The following ATG4A variants were observed in gnomAD, a reference collection of about 807,000 sequenced individuals.
The protein encoded by ATG4A is cysteine protease ATG4A.
ATG4A carries 22 observed loss-of-function variants against 38.4 expected under a neutral mutation model. The ratio of observed to expected loss-of-function variants is 0.57; its 90% CI spans 0.41 to 0.82. The LOEUF (loss-of-function observed/expected upper bound fraction) is 0.82, where lower values mean the gene tolerates loss of function less well. ATG4A is among the 40% of genes least tolerant of loss of function. The probability of loss-of-function intolerance (pLI) is 0.00; values close to 1 mark genes in which losing one functional copy is unlikely to be tolerated. For synonymous variants in ATG4A, 86 were observed against 100.7 expected (o/e 0.85, Z 0.88); for missense variants, 220 against 290.0 (o/e 0.76, Z 1.75).
chrX:108,143,513 A>T (rs1377135148), intron 9 of ATG4A, among the ~76,000 whole-genome samples: 1 of 111,397 alleles, frequency 9.0e-6, no homozygotes, highest in South Asian at 3.8e-4. Context: ...TCTTACCTCC[A>T]TTGTGGGGTA....
rs193177547 is a variant in ATG4A at position 108,129,081 on chromosome X, T to G, written c.193+229T>G. Among the ~76,000 whole-genome samples the G allele has an allele frequency of 6.4e-3, 716 of 112,287 alleles. 2 individuals are homozygous for G. The Middle Eastern group carries it at 0.093, about 15-fold the overall frequency. On this transcript the variant is annotated intron_variant, in intron 3 of 12. Coordinates refer to ENST00000372232, the MANE Select transcript of ATG4A (RefSeq NM_052936.5). ...ATGACAGTATACTTTTGACACCACCTCCAAGTGTTCAGGCACCAGATGATA... is the reference window on the plus strand; with the variant it reads ...ATGACAGTATACTTTTGACACCACCGCCAAGTGTTCAGGCACCAGATGATA...
At chrX:108,143,729 CG>C in intron 9 of ATG4A, 1 of 240,549 alleles carries the variant, frequency 4.2e-6, no homozygotes. Context: ...AACGTAATGT[CG>C]GGGGAACAGG....
chrX:108,099,800 C>T (rs1160733625), intron 1 of ATG4A, among the ~76,000 whole-genome samples: 1 of 111,615 alleles, frequency 9.0e-6, no homozygotes, highest in Non-Finnish European at 1.9e-5. Flanking sequence ...ATATCTATTT[C>T]TGAGTTTTCT....
At chrX:108,108,126 C>G (rs1434293970) in intron 1 of ATG4A, among the ~76,000 whole-genome samples, 2 of 104,385 alleles carry the variant, frequency 1.9e-5, no homozygotes, top group South Asian at 4.3e-4. Flanking sequence ...CTTTTCTGTT[C>G]CTTTGGCTAG....
intron 10 of ATG4A, among the ~76,000 whole-genome samples, chrX:108,151,139 A>G (rs1002652298): frequency 8.9e-6 from 1 of 111,799 alleles, no homozygotes; most frequent in Non-Finnish European, 1.9e-5. Flanking sequence ...CACACAATCT[A>G]GGAAGCTGCA....
At chrX:108,088,874 C>A, upstream of ATG4A, 1 of 1,089,829 alleles carries the variant, frequency 9.2e-7, no homozygotes, top group Non-Finnish European at 1.2e-6. Flanking sequence ...GTAATAGAAA[C>A]ATTCTTGAAA....
chrX:108,149,806 C>T (rs776788101), intron 9 of ATG4A, among the ~76,000 whole-genome samples: 1 of 112,383 alleles, frequency 8.9e-6, no homozygotes, highest in Non-Finnish European at 1.9e-5. Flanking sequence ...CCTGGGCCCA[C>T]GACCTGGTGA....
chrX:108,119,327 A>G (rs1460022507), intron 1 of ATG4A, among the ~76,000 whole-genome samples: 2 of 112,072 alleles, frequency 1.8e-5, no homozygotes, highest in Non-Finnish European at 3.8e-5. Context: ...AATTTTAATT[A>G]AACAGCTGCA....
chrX:108,150,108 G>C (rs745597211), intron 9 of ATG4A, 44 bp from the exon 10 acceptor site: 2 of 1,199,108 alleles, frequency 1.7e-6, no homozygotes, highest in South Asian at 1.8e-5. Flanking sequence ...AGTGGGCCAG[G>C]ACCGGTAATC....
At chrX:108,141,031 C>CAT (rs1555993272) in intron 9 of ATG4A, among the ~76,000 whole-genome samples, 6 of 54,436 alleles carry the variant, frequency 1.1e-4, no homozygotes, top group African/African-American at 3.9e-4. Flanking sequence ...CATATATATA[C>CAT]ATATATACAT....
rs944280050 is a variant in ATG4A, at chrX:108,110,805, A to G, written c.11-15272A>G. Among the ~76,000 whole-genome samples the G allele has an allele frequency of 3.6e-5, 4 of 112,517 alleles. No individual in the cohort carries two copies. The Admixed American group carries it at 3.7e-4, about 11-fold the overall frequency. ...GAATGTGCGTATTGCTTCAAGTAGT[A>G]TGGACATCATAACAATATTAAGTCT... On this transcript the variant is annotated intron_variant, in intron 1 of 12. Transcript: ENST00000372232.
intron 3 of ATG4A, 72 bp downstream of exon 3, chrX:108,128,924 T>G (rs374736744): frequency 1.6e-5 from 11 of 706,360 alleles, no homozygotes; most frequent in Non-Finnish European, 2.3e-5. Context: ...AGTGACTTCA[T>G]AGAAACCTCA....
intron 1 of ATG4A, among the ~76,000 whole-genome samples, chrX:108,113,429 G>C (rs1307548183): frequency 9.0e-6 from 1 of 111,331 alleles, no homozygotes; most frequent in Non-Finnish European, 1.9e-5. Context: ...AAGGAGTTCA[G>C]AGTGAGGAGT....
chrX:108,108,888 C>T (rs2032271914), intron 1 of ATG4A, among the ~76,000 whole-genome samples: 1 of 111,855 alleles, frequency 8.9e-6, no homozygotes, highest in African/African-American at 3.2e-5. Flanking sequence ...CTGAGATATA[C>T]ATTTTTTCTT....
intron 1 of ATG4A, among the ~76,000 whole-genome samples, chrX:108,100,479 A>G (rs555286293): frequency 9.0e-6 from 1 of 111,255 alleles, no homozygotes; most frequent in African/African-American, 3.3e-5. Flanking sequence ...GTTGAATAGC[A>G]GTGGTGAGAG....
At chrX:108,121,600 T>C (rs2032651130) in intron 1 of ATG4A, among the ~76,000 whole-genome samples, 1 of 111,686 alleles carries the variant, frequency 9.0e-6, no homozygotes, top group South Asian at 3.8e-4. Context: ...TTATATCTTA[T>C]TTCCATTAAG....
At chrX:108,147,665 G>A (rs1382576920) in intron 9 of ATG4A, among the ~76,000 whole-genome samples, 1 of 111,292 alleles carries the variant, frequency 9.0e-6, no homozygotes, top group East Asian at 2.8e-4. Flanking sequence ...TTTGTCCACT[G>A]AACTTAGGAG....
chrX:108,099,809 C>T (rs2031948072), intron 1 of ATG4A, among the ~76,000 whole-genome samples: 1 of 111,621 alleles, frequency 9.0e-6, no homozygotes, highest in South Asian at 3.7e-4. Context: ...TCTGAGTTTT[C>T]TAATCTGATT....
At chrX:108,097,904 A>G (rs1253420788) in intron 1 of ATG4A, among the ~76,000 whole-genome samples, 1 of 112,367 alleles carries the variant, frequency 8.9e-6, no homozygotes, top group East Asian at 2.8e-4. Flanking sequence ...TGCACTTTAC[A>G]GTTGCCAGTT....
Sources: allele counts gnomAD v4.1 joint callset (sites outside exome capture counted in the v4.1 genomes callset), GRCh38; gene constraint gnomAD v4.1.1; transcripts MANE v1.5; gene names NCBI Gene and HGNC (gene_info 2026-07-23, HGNC 2026-07-21).